Variants in UBE2E1 observed in about 807,000 individuals in gnomAD.
The protein encoded by UBE2E1 is ubiquitin-conjugating enzyme E2 E1.
UBE2E1 carries 6 observed loss-of-function variants against 21.4 expected under a neutral mutation model. The observed-to-expected ratio is 0.28, with a 90% CI of 0.15 to 0.55. UBE2E1 has a LOEUF of 0.55. Ranked by LOEUF, UBE2E1 falls within the 20% of genes least tolerant of loss-of-function variation. The pLI is 0.93. For missense variants in UBE2E1, 142 were observed against 236.5 expected (o/e 0.60, Z 2.62); for synonymous variants, 87 against 82.7 (o/e 1.05, Z -0.28).
At chr3:23,825,639 G>T (rs1281052131) in intron 3 of UBE2E1, among the ~76,000 whole-genome samples, 1 of 152,170 alleles carries the variant, frequency 6.6e-6, no homozygotes, top group Non-Finnish European at 1.5e-5. Flanking sequence ...AAATGACCCT[G>T]AATGATGACA....
intron 3 of UBE2E1, among the ~76,000 whole-genome samples, chr3:23,872,882 T>C (rs1253113147): frequency 6.6e-6 from 1 of 152,054 alleles, no homozygotes; most frequent in Non-Finnish European, 1.5e-5. Context: ...TCGGGCGTGG[T>C]GGCGCATGCC....
At chr3:23,880,011 C>T (rs866081573) in intron 3 of UBE2E1, among the ~76,000 whole-genome samples, 1 of 152,194 alleles carries the variant, frequency 6.6e-6, no homozygotes, top group South Asian at 2.1e-4. Context: ...CTTTGGGAGG[C>T]CCAGGTGGGA....
intron 3 of UBE2E1, among the ~76,000 whole-genome samples, chr3:23,818,181 CAG>C (rs1699569384): frequency 6.6e-6 from 1 of 152,212 alleles, no homozygotes; most frequent in Middle Eastern, 3.4e-3. Context: ...GGTGCATTAA[CAG>C]AAATAAATAA....
At chr3:23,807,150 T>C in intron 1 of UBE2E1, 87 bp from the exon 2 acceptor site, 2 of 1,190,694 alleles carry the variant, frequency 1.7e-6, no homozygotes, top group Non-Finnish European at 2.3e-6. Context: ...GCGCCCCTGG[T>C]CAATGCCCTC....
chr3:23,809,804 G>A (rs1559473130), intron 2 of UBE2E1, among the ~76,000 whole-genome samples: 1 of 152,156 alleles, frequency 6.6e-6, no homozygotes, highest in Admixed American at 6.5e-5. Context: ...AAAGATTCAG[G>A]TAAAGAATCA....
chr3:23,861,972 C>T (rs1292857990), intron 3 of UBE2E1, among the ~76,000 whole-genome samples: 2 of 152,200 alleles, frequency 1.3e-5, no homozygotes, highest in East Asian at 3.8e-4. Context: ...TAACAGAAGC[C>T]GCCTATGGAC....
chr3:23,843,292 C>T (rs1040092732), intron 3 of UBE2E1, among the ~76,000 whole-genome samples: 5 of 152,140 alleles, frequency 3.3e-5, no homozygotes, highest in African/African-American at 1.2e-4. Context: ...CAGTTCCTAA[C>T]ATATTGCTTA....
chr3:23,844,299 TA>T (rs1700150863), intron 3 of UBE2E1, among the ~76,000 whole-genome samples: 1 of 152,230 alleles, frequency 6.6e-6, no homozygotes, highest in Non-Finnish European at 1.5e-5. Context: ...TGTGTTCTTG[TA>T]AAATGTATTT....
chr3:23,807,338 G>A lies in UBE2E1; in HGVS notation c.69G>A (p.Glu23=). ...CTTCGTCTTCCAACCAGCAAACCGA[G>A]AAAGAAACAAACACCCCCAAGAAGA... ...SSSSSSNQQT[E]KETNTPKKKE... The change falls in exon 2 of 6, where the codon GAG becomes GAA. Residue 23 remains glutamate, a synonymous_variant. Coordinates refer to ENST00000306627, the MANE Select transcript of UBE2E1 (RefSeq NM_003341.5). 1.2e-6 allele frequency: 2 copies of A among 1,613,898 alleles called. No individual in the cohort carries two copies. Among genetic ancestry groups the A allele is most frequent in the Non-Finnish European group, 1.7e-6 (2 of 1,179,964 alleles).
chr3:23,864,084 C>T (rs952937785), intron 3 of UBE2E1, among the ~76,000 whole-genome samples: 7 of 152,114 alleles, frequency 4.6e-5, no homozygotes, highest in African/African-American at 1.7e-4. Flanking sequence ...TTTTTAGAGA[C>T]CTCAAGTATC....
At chr3:23,811,976 G>A (rs1389825357) in intron 3 of UBE2E1, among the ~76,000 whole-genome samples, 1 of 152,128 alleles carries the variant, frequency 6.6e-6, no homozygotes, top group South Asian at 2.1e-4. Flanking sequence ...TAGACTTTTG[G>A]CAGAGCAATT....
Position 23,807,223 on chromosome 3 carries a change from C to A in UBE2E1, c.-33-14C>A, listed in dbSNP as rs760571695. 2 of 1,578,222 alleles carry A rather than the reference C, an allele frequency of 1.3e-6. No homozygotes were observed. The highest frequency in any genetic ancestry group is 1.7e-6 in the Non-Finnish European group (2 of 1,164,824). ...TGGTTTGTGTGTTTCTGTTTTGTTT[C>A]TCTCCCCCTGCAGGGGCTGTTTGCG... On this transcript the variant is annotated splice_polypyrimidine_tract_variant and intron_variant, in intron 1 of 5. Transcript: ENST00000306627.
At position 23,825,180 on chromosome 3, in the gene UBE2E1, C is replaced by T. The variant is rs143495906; in HGVS notation, c.203+13670C>T. Among the ~76,000 whole-genome samples, 270 of 152,288 alleles carry T rather than the reference C, an allele frequency of 1.8e-3. 1 individual carries two copies. The highest frequency in any genetic ancestry group is 2.9e-3 in the Non-Finnish European group (197 of 68,020). On this transcript the variant is annotated intron_variant, in intron 3 of 5. Coordinates refer to ENST00000306627, the MANE Select transcript of UBE2E1 (RefSeq NM_003341.5). ...AGTTTTGCAAGTGTATTCAGGCCTG[C>T]ATGGTTGTCAGTGACTCAGGTGGGG... is the stretch of plus-strand genomic sequence containing the variant.
At chr3:23,845,711 A>T (rs553883365) in intron 3 of UBE2E1, among the ~76,000 whole-genome samples, 12 of 151,820 alleles carry the variant, frequency 7.9e-5, no homozygotes, top group Non-Finnish European at 1.5e-4. Flanking sequence ...CCAAGTAGTA[A>T]ATATTCTAGG....
rs1489066756 is a variant in UBE2E1, at chr3:23,836,118, T to G, written c.203+24608T>G. Among the ~76,000 whole-genome samples the G allele has an allele frequency of 6.6e-6, 1 of 152,200 alleles. No homozygotes were observed. Among genetic ancestry groups the G allele is most frequent in the Non-Finnish European group, 1.5e-5 (1 of 68,034 alleles). On this transcript the variant is annotated intron_variant, in intron 3 of 5. Coordinates refer to ENST00000306627, the MANE Select transcript of UBE2E1 (RefSeq NM_003341.5). This position sits in a 1 kb window ranked among gnomAD's most constrained non-coding sequence, Gnocchi z 4.1. ...TAGGACATTTGGAACAAGAACTGTT[T>G]AGGATATAGATGAAATACATTGAAA...
chr3:23,846,314 G>A lies in UBE2E1; in HGVS notation c.203+34804G>A, dbSNP rs1172287861. On this transcript the variant is annotated intron_variant, in intron 3 of 5. Transcript: ENST00000306627. The stretch of plus-strand genomic sequence containing the variant: ...GCAGTGGCCCATTCCTGTAGTCCTA[G>A]CTACTTGGGAGGCTTGAGGTAGGAG... Among the ~76,000 whole-genome samples the A allele has an allele frequency of 2.0e-5, 3 of 152,252 alleles. No individual in the cohort carries two copies. The East Asian group carries it at 5.8e-4, about 29-fold the overall frequency.
At position 23,816,360 on chromosome 3, in the gene UBE2E1, A is replaced by G. The variant is rs1559475140; in HGVS notation, c.203+4850A>G. On this transcript the variant is annotated intron_variant, in intron 3 of 5. Coordinates refer to ENST00000306627, the MANE Select transcript of UBE2E1 (RefSeq NM_003341.5). This position sits in a 1 kb window ranked among gnomAD's most constrained non-coding sequence, Gnocchi z 4.8. ...AATCTATAAACTGGAATATTCATCTATAAAAAGGAATGAAGTTGTGATGCA... is the reference window on the plus strand; with the variant it reads ...AATCTATAAACTGGAATATTCATCTGTAAAAAGGAATGAAGTTGTGATGCA... Among the ~76,000 whole-genome samples the G allele has an allele frequency of 1.3e-5, 2 of 152,226 alleles. No homozygotes were observed. The highest frequency in any genetic ancestry group is 2.9e-5 in the Non-Finnish European group (2 of 68,046).
In UBE2E1 at chr3:23,875,611, TG is replaced by T. The variant is rs1475405964; in HGVS notation, c.204-11955del. ...GTAGGCACCATTTCCTCAGTGTTGT[TG>T]TTACAAGACTTTTGGAGGGCTTTGT... On this transcript the variant is annotated intron_variant, in intron 3 of 5. Transcript: ENST00000306627. Among the ~76,000 whole-genome samples, 5 of 152,240 alleles carry T rather than the reference TG, an allele frequency of 3.3e-5. 1 individual carries two copies. Among genetic ancestry groups the T allele is most frequent in the Admixed American group, 3.3e-4 (5 of 15,284 alleles).
chr3:23,878,533 G>A (rs1048126921), intron 3 of UBE2E1, among the ~76,000 whole-genome samples: 1 of 152,234 alleles, frequency 6.6e-6, no homozygotes, highest in African/African-American at 2.4e-5. Flanking sequence ...GGGCAGGCCG[G>A]CCAGCTGAGT....
Sources: allele counts gnomAD v4.1 joint callset (sites outside exome capture counted in the v4.1 genomes callset), GRCh38; gene constraint gnomAD v4.1.1; non-coding constraint Gnocchi (gnomAD v3.1); transcripts MANE v1.5; gene names NCBI Gene and HGNC (gene_info 2026-07-23, HGNC 2026-07-21).